The following GLCCI1 variants were observed in gnomAD, a reference collection of about 807,000 sequenced individuals.
The protein encoded by GLCCI1 is glucocorticoid induced 1.
GLCCI1 carries 24 observed loss-of-function variants against 52.2 expected under a neutral mutation model. That is an observed-to-expected ratio of 0.46 (90% confidence interval 0.33 to 0.65). The LOEUF (loss-of-function observed/expected upper bound fraction) is 0.65. Among genes scored for constraint, GLCCI1 ranks in the 30% least tolerant of loss-of-function variants. GLCCI1 has a pLI of 0.02. For missense variants in GLCCI1, 704 were observed against 701.5 expected (o/e 1.00, Z -0.04); for synonymous variants, 310 against 276.5 (o/e 1.12, Z -1.20).
intron 1 of GLCCI1, among the ~76,000 whole-genome samples, chr7:7,993,428 G>A (rs932795479): frequency 2.0e-5 from 3 of 152,138 alleles, no homozygotes; most frequent in Non-Finnish European, 4.4e-5. Flanking sequence ...CATGTTGGAA[G>A]CAGTTCTTTT....
intron 1 of GLCCI1, among the ~76,000 whole-genome samples, chr7:7,973,413 C>CGTGTGTGCGTGTGT (rs370555625): frequency 6.8e-6 from 1 of 147,590 alleles, no homozygotes; most frequent in African/African-American, 2.5e-5. Flanking sequence ...TCTTTGTGTG[C>CGTGTGTGCGTGTGT]GTGTGTGTGT....
chr7:7,975,129 A>C (rs1006143094), intron 1 of GLCCI1, among the ~76,000 whole-genome samples: 4 of 152,194 alleles, frequency 2.6e-5, no homozygotes, highest in African/African-American at 4.8e-5. Flanking sequence ...GAAAGTGACC[A>C]TAAGTTGACT....
intron 2 of GLCCI1, among the ~76,000 whole-genome samples, chr7:8,007,668 T>G (rs1781183524): frequency 6.6e-6 from 1 of 152,164 alleles, no homozygotes; most frequent in African/African-American, 2.4e-5. Flanking sequence ...TAGTGGACAT[T>G]GGTGGAAGGA....
chr7:7,980,833 A>T, intron 1 of GLCCI1: 1 of 676,634 alleles, frequency 1.5e-6, no homozygotes, highest in Middle Eastern at 3.2e-4. Flanking sequence ...GTTGACAAGG[A>T]CTTTGTACCA....
chr7:8,031,571 G>C (rs1781749417), intron 3 of GLCCI1, among the ~76,000 whole-genome samples: 1 of 152,058 alleles, frequency 6.6e-6, no homozygotes, highest in South Asian at 2.1e-4. Context: ...GTAACATAAA[G>C]AATAAATGCT....
chr7:8,030,500 C>G (rs1781722314), intron 3 of GLCCI1, among the ~76,000 whole-genome samples: 1 of 152,040 alleles, frequency 6.6e-6, no homozygotes. Context: ...TGACTAATAC[C>G]ACACAAGCAC....
intron 3 of GLCCI1, among the ~76,000 whole-genome samples, chr7:8,029,099 T>C (rs1357310629): frequency 6.6e-6 from 1 of 152,188 alleles, no homozygotes; most frequent in Non-Finnish European, 1.5e-5. Flanking sequence ...AAACTCATTC[T>C]ACAAGACTAG....
At chr7:8,028,088 A>G (rs1392994454) in intron 3 of GLCCI1, among the ~76,000 whole-genome samples, 1 of 152,232 alleles carries the variant, frequency 6.6e-6, no homozygotes, top group Non-Finnish European at 1.5e-5. Flanking sequence ...ATTGGGCTTA[A>G]TCTGCACTGT....
chr7:8,022,251 G>T (rs1781511795), intron 2 of GLCCI1, among the ~76,000 whole-genome samples: 1 of 152,070 alleles, frequency 6.6e-6, no homozygotes, highest in South Asian at 2.1e-4. Flanking sequence ...TTGATGTGAA[G>T]ATATCAAATT....
chr7:7,990,919 C>T (rs1208516706), intron 1 of GLCCI1, among the ~76,000 whole-genome samples: 1 of 152,046 alleles, frequency 6.6e-6, no homozygotes, highest in Non-Finnish European at 1.5e-5. Flanking sequence ...AACATATTCA[C>T]CATTGCTGGA....
Position 8,086,666 on chromosome 7 carries a change from C to A in GLCCI1, c.*128C>A. 3.9e-6 allele frequency: 3 copies of A among 769,696 alleles called. No individual in the cohort carries two copies. The highest frequency in any genetic ancestry group is 2.6e-5 in the East Asian group (1 of 38,214). The allele number at this position is 769,696 out of a possible 1,614,324, so 47.7% of individuals were successfully genotyped here. Reference sequence around the variant, plus strand: ...TACTTATCAGCATCATAAAGTATCTCTTAAACACTGATCTTGGCAGGGACG... The same window carrying A: ...TACTTATCAGCATCATAAAGTATCTATTAAACACTGATCTTGGCAGGGACG... On this transcript the variant is annotated 3_prime_UTR_variant, in exon 8 of 8. Coordinates refer to ENST00000223145, the MANE Select transcript of GLCCI1 (RefSeq NM_138426.4). The surrounding 1 kb of genome is among the most constrained non-coding windows in gnomAD (Gnocchi z 4.4).
intron 6 of GLCCI1, among the ~76,000 whole-genome samples, chr7:8,081,637 A>G (rs1782995799): frequency 6.6e-6 from 1 of 152,220 alleles, no homozygotes; most frequent in Admixed American, 6.5e-5. Flanking sequence ...CTCAAGCTAT[A>G]CAAGTACATG....
chr7:8,062,984 C>T (rs1304521410), intron 5 of GLCCI1, among the ~76,000 whole-genome samples: 1 of 152,116 alleles, frequency 6.6e-6, no homozygotes, highest in Non-Finnish European at 1.5e-5. Flanking sequence ...GGTATATACT[C>T]AATAATGGGA....
chr7:7,972,172 A>G (rs1178699354), intron 1 of GLCCI1, among the ~76,000 whole-genome samples: 2 of 152,174 alleles, frequency 1.3e-5, no homozygotes, highest in Non-Finnish European at 2.9e-5. Context: ...TTCTGACTTG[A>G]GTGGATTTTA....
chr7:8,073,650 A>C (rs533950919), intron 6 of GLCCI1, among the ~76,000 whole-genome samples: 1 of 152,302 alleles, frequency 6.6e-6, no homozygotes, highest in African/African-American at 2.4e-5. Context: ...AGATACAGCA[A>C]AATGCTTAGC....
chr7:7,983,983 G>T (rs1780673318), intron 1 of GLCCI1, among the ~76,000 whole-genome samples: 1 of 152,198 alleles, frequency 6.6e-6, no homozygotes, highest in African/African-American at 2.4e-5. Context: ...GATTTCCACA[G>T]AATGAGTTTC....
In GLCCI1 at chr7:7,969,799, T is replaced by C; in HGVS notation, c.449T>C (p.Val150Ala). Residue 150 changes from valine to alanine, a missense_variant, in exon 1 of 8, where the codon GTG (valine) becomes GCG (alanine). Val to Ala is a moderately conservative substitution (Grantham distance 64). Transcript: ENST00000223145. This position sits in a 1 kb window ranked among gnomAD's most constrained non-coding sequence, Gnocchi z 4.9. ...SPERRSPGSPVCRADKAKSQQ... is the reference protein window; with the variant it reads ...SPERRSPGSPACRADKAKSQQ... Reference sequence around the variant, plus strand: ...GAGAGACGGAGCCCCGGCTCGCCCGTGTGCAGAGGTAGCGAGCCCAACCCT... The same window carrying C: ...GAGAGACGGAGCCCCGGCTCGCCCGCGTGCAGAGGTAGCGAGCCCAACCCT... The C allele has an allele frequency of 1.4e-6, 2 of 1,470,438 alleles. No individual in the cohort carries two copies. Among genetic ancestry groups the C allele is most frequent in the Non-Finnish European group, 1.8e-6 (2 of 1,112,720 alleles). 91.1% of individuals were successfully genotyped at this position (1,470,438 alleles called of 1,614,324 possible). A position where few individuals can be genotyped will look rare whatever the true frequency, so the allele number is the denominator to read the frequency against.
chr7:8,037,189 G>C (rs764347414), intron 3 of GLCCI1, among the ~76,000 whole-genome samples: 5 of 152,194 alleles, frequency 3.3e-5, no homozygotes, highest in Non-Finnish European at 7.4e-5. Context: ...ACTTACAGCA[G>C]AATGCTCAGC....
chr7:8,015,128 C>A (rs1781350302), intron 2 of GLCCI1, among the ~76,000 whole-genome samples: 1 of 152,194 alleles, frequency 6.6e-6, no homozygotes, highest in African/African-American at 2.4e-5. Context: ...TTAACTAACT[C>A]TGAACTAAAA....
Sources: allele counts gnomAD v4.1 joint callset (sites outside exome capture counted in the v4.1 genomes callset), GRCh38; gene constraint gnomAD v4.1.1; non-coding constraint Gnocchi (gnomAD v3.1); transcripts MANE v1.5; gene names NCBI Gene and HGNC (gene_info 2026-07-23, HGNC 2026-07-21).